Variants in SEMA6D observed in about 807,000 individuals in gnomAD.
SEMA6D encodes the protein semaphorin 6D.
SEMA6D carries 35 observed loss-of-function variants against 106.6 expected under a neutral mutation model. That is an observed-to-expected ratio of 0.33 (90% CI 0.25 to 0.44). The LOEUF (loss-of-function observed/expected upper bound fraction) is 0.44, where lower values mean the gene tolerates loss of function less well. Ranked by LOEUF, SEMA6D falls within the 20% of genes least tolerant of loss-of-function variation. SEMA6D has a pLI of 1.00. For synonymous variants in SEMA6D, 499 were observed against 487.7 expected (o/e 1.02, Z -0.31); for missense variants, 1,185 against 1,345.9 (o/e 0.88, Z 1.87).
intron 3 of SEMA6D, among the ~76,000 whole-genome samples, chr15:47,580,499 A>G (rs1413900837): frequency 2.0e-5 from 3 of 152,158 alleles, no homozygotes; most frequent in African/African-American, 7.2e-5. Context: ...CAAGCAGAGT[A>G]TTGTTGAAAC....
chr15:47,577,991 C>T (rs1042545573), intron 3 of SEMA6D, among the ~76,000 whole-genome samples: 25 of 152,112 alleles, frequency 1.6e-4, no homozygotes, highest in African/African-American at 5.6e-4. Flanking sequence ...TTTGTGGAGA[C>T]CTTTATAGAT....
chr15:47,201,914 C>T (rs1316974572), intron 1 of SEMA6D, among the ~76,000 whole-genome samples: 1 of 152,070 alleles, frequency 6.6e-6, no homozygotes, highest in East Asian at 1.9e-4. Flanking sequence ...CCACACTTTG[C>T]CTAATAAAAA....
intron 1 of SEMA6D, among the ~76,000 whole-genome samples, chr15:47,292,293 C>G (rs1406908317): frequency 1.3e-5 from 2 of 152,050 alleles, no homozygotes; most frequent in African/African-American, 4.8e-5. Context: ...AAAAAGAAAC[C>G]TGTAAATGTG....
chr15:47,669,445 A>G (rs1311329348), intron 4 of SEMA6D, among the ~76,000 whole-genome samples: 2 of 152,170 alleles, frequency 1.3e-5, no homozygotes, highest in African/African-American at 4.8e-5. Flanking sequence ...AGCTAAATGA[A>G]TGGCTGAATG....
At position 47,387,023 on chromosome 15, in the gene SEMA6D, C is replaced by T. The variant is rs139319048; in HGVS notation, c.-238-25370C>T. ...CAGCCCATCCTTGTGCTTCACTGCA[C>T]GGGCCCTGCTGCGTGTGGCTCCATC... On this transcript the variant is annotated intron_variant, in intron 1 of 19. Coordinates refer to the SEMA6D transcript ENST00000558014. Among the ~76,000 whole-genome samples, 345 of 115,196 alleles carry T rather than the reference C, an allele frequency of 3.0e-3. 2 individuals are homozygous for T. Among genetic ancestry groups the T allele is most frequent in the African/African-American group, 0.019 (328 of 17,538 alleles). 75.6% of individuals were successfully genotyped at this position (115,196 alleles called of 152,430 possible). A position where few individuals can be genotyped will look rare whatever the true frequency, so the allele number is the denominator to read the frequency against.
chr15:47,252,818 C>A (rs1193154089), intron 1 of SEMA6D, among the ~76,000 whole-genome samples: 1 of 152,126 alleles, frequency 6.6e-6, no homozygotes, highest in African/African-American at 2.4e-5. Flanking sequence ...TTGTTGATTT[C>A]ATCTCTTGGT....
intron 8 of SEMA6D, among the ~76,000 whole-genome samples, chr15:47,762,571 G>A (rs774409950): frequency 2.0e-5 from 3 of 152,108 alleles, no homozygotes; most frequent in Non-Finnish European, 2.9e-5. Context: ...TCATCTCTGT[G>A]TGTGCCAATT....
intron 3 of SEMA6D, among the ~76,000 whole-genome samples, chr15:47,565,830 T>C (rs930038036): frequency 1.3e-5 from 2 of 152,210 alleles, no homozygotes; most frequent in Non-Finnish European, 2.9e-5. Context: ...CAGCAAAATT[T>C]TTCTTCTTCA....
intron 4 of SEMA6D, among the ~76,000 whole-genome samples, chr15:47,701,958 A>G (rs1330212682): frequency 6.6e-6 from 1 of 152,224 alleles, no homozygotes; most frequent in African/African-American, 2.4e-5. Context: ...TCTATAGTAG[A>G]CAGAAAAAGT....
intron 1 of SEMA6D, among the ~76,000 whole-genome samples, chr15:47,316,467 G>C (rs887542668): frequency 3.3e-5 from 5 of 152,008 alleles, no homozygotes; most frequent in Admixed American, 2.6e-4. Context: ...GGGACATCTT[G>C]CCTTGTTCCT....
At chr15:47,424,922 G>T (rs2041281975) in intron 2 of SEMA6D, among the ~76,000 whole-genome samples, 2 of 152,182 alleles carry the variant, frequency 1.3e-5, no homozygotes, top group Admixed American at 6.5e-5. Context: ...GGAGATGCAG[G>T]CAATTTTGAA....
intron 2 of SEMA6D, among the ~76,000 whole-genome samples, chr15:47,441,092 C>T (rs915988232): frequency 1.3e-5 from 2 of 152,016 alleles, no homozygotes; most frequent in African/African-American, 4.8e-5. Context: ...TAAATCGTGT[C>T]CTTAAACACT....
chr15:47,604,537 C>T (rs1188387997), intron 4 of SEMA6D, among the ~76,000 whole-genome samples: 1 of 152,138 alleles, frequency 6.6e-6, no homozygotes, highest in Non-Finnish European at 1.5e-5. Context: ...GAAACTTTGT[C>T]AAATTGAATT....
chr15:47,766,939 T>A (rs572226635), intron 16 of SEMA6D, 98 bp from the exon 17 acceptor site: 1 of 669,724 alleles, frequency 1.5e-6, no homozygotes, highest in Non-Finnish European at 2.4e-6. Flanking sequence ...TAATTTATAG[T>A]CTTTTTTTTT....
At chr15:47,668,925 A>G (rs1462072094) in intron 4 of SEMA6D, among the ~76,000 whole-genome samples, 5 of 152,226 alleles carry the variant, frequency 3.3e-5, no homozygotes, top group Non-Finnish European at 5.9e-5. Flanking sequence ...ACGTTAAGGT[A>G]CATCTTTTTG....
In SEMA6D at chr15:47,428,619, A is replaced by T. The variant is rs914462835; in HGVS notation, c.-159+16147A>T. On this transcript the variant is annotated intron_variant, in intron 2 of 19. Coordinates refer to the SEMA6D transcript ENST00000558014. The stretch of plus-strand genomic sequence containing the variant: ...GGAAGCCCTGTCTCTACTGAAAATA[A>T]AAAAGATACCTGGCCATGATGGTGC... Among the ~76,000 whole-genome samples the T allele has an allele frequency of 2.0e-5, 3 of 151,868 alleles. 1 individual carries two copies. Among genetic ancestry groups the T allele is most frequent in the Non-Finnish European group, 4.4e-5 (3 of 67,948 alleles).
At chr15:47,347,027 A>G (rs1208055516) in intron 1 of SEMA6D, among the ~76,000 whole-genome samples, 5 of 151,658 alleles carry the variant, frequency 3.3e-5, no homozygotes, top group African/African-American at 9.7e-5. Context: ...TTGCACCTCA[A>G]CCTCCCAAGT....
chr15:47,772,366 G>GTGTA lies in SEMA6D; in HGVS notation c.*584_*585insATGT, dbSNP rs1244075847. 5.2e-5 allele frequency: 8 copies of GTGTA among 153,070 alleles called. No individual in the cohort carries two copies. Among genetic ancestry groups the GTGTA allele is most frequent in the Non-Finnish European group, 1.0e-4 (7 of 68,974 alleles). 9.5% of individuals were successfully genotyped at this position (153,070 alleles called of 1,614,324 possible). A position where few individuals can be genotyped will look rare whatever the true frequency, so the allele number is the denominator to read the frequency against. On this transcript the variant is annotated 3_prime_UTR_variant, in exon 19 of 19. Transcript: ENST00000536845. ...ACTTGTTGTGTGTGTGCGTGTGTGT[G>GTGTA]TGTGTGTGTGTGTGTGTGTGTGTGT...
intron 1 of SEMA6D, among the ~76,000 whole-genome samples, chr15:47,319,464 G>A (rs1464481615): frequency 6.6e-6 from 1 of 152,112 alleles, no homozygotes; most frequent in Non-Finnish European, 1.5e-5. Flanking sequence ...AGTCCTATAA[G>A]TAGGTCTCAA....
Sources: allele counts gnomAD v4.1 joint callset (sites outside exome capture counted in the v4.1 genomes callset), GRCh38; gene constraint gnomAD v4.1.1; transcripts MANE v1.5; gene names NCBI Gene and HGNC (gene_info 2026-07-23, HGNC 2026-07-21).